The following KCNQ1 variants were observed in gnomAD, a reference collection of about 807,000 sequenced individuals.
The protein encoded by KCNQ1 is potassium voltage-gated channel subfamily KQT member 1.
A neutral mutation model predicts 72.4 loss-of-function variants in KCNQ1; 49 were observed. That is an observed-to-expected ratio of 0.68 (90% CI 0.54 to 0.86). KCNQ1 has a LOEUF of 0.86. KCNQ1 is among the 40% of genes least tolerant of loss of function. KCNQ1 has a pLI of 0.00. For synonymous variants in KCNQ1, 450 were observed against 412.6 expected, an observed-to-expected ratio of 1.09 and a Z score of -1.10; for missense variants, 790 against 945.1, an observed-to-expected ratio of 0.84 and a Z score of 2.15.
At chr11:2,591,044 C>T (rs924862458) in intron 10 of KCNQ1, among the ~76,000 whole-genome samples, 2 of 152,274 alleles carry the variant, frequency 1.3e-5, no homozygotes, top group Admixed American at 6.5e-5. Flanking sequence ...TCCATCTCTC[C>T]CTCTCGGACC....
Position 2,627,095 on chromosome 11 carries a change from C to G in KCNQ1, c.1394-34866C>G, listed in dbSNP as rs573940221. On this transcript the variant is annotated intron_variant, in intron 10 of 15. Coordinates refer to ENST00000155840, the MANE Select transcript of KCNQ1 (RefSeq NM_000218.3). The surrounding 1 kb of genome is among the most constrained non-coding windows in gnomAD (Gnocchi z 4.9). ...CCTTTATGTCTACTTTAATTTCTTT[C>G]AGCATTGTTTTGTAATTTTCATTGT... 2.5e-6 allele frequency: 1 copy of G among 398,504 alleles called. No homozygotes were observed. The highest frequency in any genetic ancestry group is 4.4e-6 in the Non-Finnish European group (1 of 226,032). 24.7% of individuals were successfully genotyped at this position (398,504 alleles called of 1,614,324 possible).
chr11:2,791,844 G>A (rs746610930), intron 15 of KCNQ1, among the ~76,000 whole-genome samples: 1 of 152,338 alleles, frequency 6.6e-6, no homozygotes, highest in South Asian at 2.1e-4. Flanking sequence ...GCCCGCAGGT[G>A]GGGGCTTCCG....
chr11:2,575,186 C>T (rs566971239), intron 6 of KCNQ1, among the ~76,000 whole-genome samples: 15 of 152,312 alleles, frequency 9.8e-5, no homozygotes, highest in East Asian at 5.8e-4. Context: ...CGCAGCAGAG[C>T]GGCACTCCCA....
At chr11:2,689,057 T>A in intron 11 of KCNQ1, 2 of 398,786 alleles carry the variant, frequency 5.0e-6, no homozygotes, top group Non-Finnish European at 8.8e-6. Context: ...GGCAGTTACC[T>A]CCTCCTCCCC....
At chr11:2,807,471 C>T (rs994234333) in intron 15 of KCNQ1, among the ~76,000 whole-genome samples, 1 of 152,190 alleles carries the variant, frequency 6.6e-6, no homozygotes, top group African/African-American at 2.4e-5. Context: ...GGCCCGGGGC[C>T]AGCGCGATGT....
Position 2,808,199 on chromosome 11 carries a change from G to A in KCNQ1, c.1794+30162G>A, listed in dbSNP as rs374418888. On this transcript the variant is annotated intron_variant, in intron 15 of 15. Transcript: ENST00000155840. The surrounding 1 kb of genome is among the most constrained non-coding windows in gnomAD (Gnocchi z 6.0). The stretch of plus-strand genomic sequence containing the variant: ...TCTGATGCCATCTGCCCAGGGCATT[G>A]AGGGTGAACCCATCCAGGCTGGCCC... Among the ~76,000 whole-genome samples the A allele has an allele frequency of 3.3e-5, 5 of 152,342 alleles. No individual in the cohort carries two copies. The highest frequency in any genetic ancestry group is 2.1e-4 in the South Asian group (1 of 4,824).
intron 10 of KCNQ1, chr11:2,640,157 G>T (rs999520496): frequency 1.9e-5 from 7 of 368,704 alleles, no homozygotes; most frequent in Non-Finnish European, 3.4e-5. Context: ...GTGCTTCCCA[G>T]GTGAGGCGAT....
intron 10 of KCNQ1, chr11:2,614,525 TG>T (rs1849029643): frequency 2.5e-6 from 1 of 398,396 alleles, no homozygotes; most frequent in African/African-American, 2.1e-5. Flanking sequence ...TCTTATTTTT[TG>T]GTCTCTGATA....
chr11:2,640,178 A>G (rs975012275), intron 10 of KCNQ1: 2 of 384,688 alleles, frequency 5.2e-6, no homozygotes, highest in Non-Finnish European at 9.2e-6. Context: ...GCCTCGCCCT[A>G]CTTCGTCTCA....
In KCNQ1 at chr11:2,724,769, G is replaced by T. The variant is rs1034072605; in HGVS notation, c.1515-44075G>T. ...CCAGGGCTCAGAGTTGGGGGAAGGG[G>T]CCAGTTCACCCACAGAGGGTGGAGT... On this transcript the variant is annotated intron_variant, in intron 11 of 15. Transcript: ENST00000155840. The surrounding 1 kb of genome is among the most constrained non-coding windows in gnomAD (Gnocchi z 6.8). Among the ~76,000 whole-genome samples the T allele has an allele frequency of 6.6e-6, 1 of 152,206 alleles. No homozygotes were observed. The highest frequency in any genetic ancestry group is 1.5e-5 in the Non-Finnish European group (1 of 68,030).
chr11:2,534,270 A>G (rs1463118259), intron 2 of KCNQ1, among the ~76,000 whole-genome samples: 1 of 152,244 alleles, frequency 6.6e-6, no homozygotes, highest in Non-Finnish European at 1.5e-5. Flanking sequence ...GCAGGCCCGC[A>G]GGTCCTCACC....
At chr11:2,582,478 G>A (rs1301478423) in intron 6 of KCNQ1, among the ~76,000 whole-genome samples, 1 of 152,228 alleles carries the variant, frequency 6.6e-6, no homozygotes, top group Admixed American at 6.5e-5. Context: ...TTCCCAGCTG[G>A]GGCATTCCTG....
At position 2,663,959 on chromosome 11, in the gene KCNQ1, G is replaced by A. The variant is rs1221675392; in HGVS notation, c.1514+1878G>A. 5 of 398,604 alleles carry A rather than the reference G, an allele frequency of 1.3e-5. No homozygotes were observed. The highest frequency in any genetic ancestry group is 2.1e-5 in the African/African-American group (1 of 48,630). 24.7% of individuals were successfully genotyped at this position (398,604 alleles called of 1,614,324 possible). On this transcript the variant is annotated intron_variant, in intron 11 of 15. Coordinates refer to ENST00000155840, the MANE Select transcript of KCNQ1 (RefSeq NM_000218.3). The surrounding 1 kb of genome is among the most constrained non-coding windows in gnomAD (Gnocchi z 5.2). The stretch of plus-strand genomic sequence containing the variant: ...CACTCCAGGATGACAGGGCCTGAGA[G>A]ACCTGAACATCCATCCCCAAGCTCT...
intron 10 of KCNQ1, chr11:2,649,651 G>A (rs1849727694): frequency 2.5e-6 from 1 of 398,432 alleles, no homozygotes; most frequent in African/African-American, 2.1e-5. Flanking sequence ...GGCCTAGAAG[G>A]TTTCTGCTGA....
intron 1 of KCNQ1, among the ~76,000 whole-genome samples, chr11:2,448,108 C>T (rs1179895140): frequency 6.6e-6 from 1 of 152,254 alleles, no homozygotes; most frequent in Admixed American, 6.5e-5. Context: ...GGGGTCCATA[C>T]AGCCCTGCTG....
intron 1 of KCNQ1, among the ~76,000 whole-genome samples, chr11:2,500,416 C>T (rs1187166357): frequency 1.3e-5 from 2 of 152,174 alleles, no homozygotes; most frequent in Non-Finnish European, 2.9e-5. Flanking sequence ...AACGCTTTTA[C>T]ACTGTTGGTG....
At position 2,570,712 on chromosome 11, in the gene KCNQ1, T is replaced by C; in HGVS notation, c.562T>C (p.Trp188Arg). The change falls in exon 3 of 16, where the codon TGG (tryptophan) becomes CGG (arginine). Residue 188 changes from tryptophan to arginine, a missense_variant. Physicochemically the swap from Trp to Arg is moderately radical, Grantham distance 101. This residue lies in a region of KCNQ1 where 294 missense variants were observed against 323.3 expected (regional missense o/e 0.91). Coordinates refer to ENST00000155840, the MANE Select transcript of KCNQ1 (RefSeq NM_000218.3). The stretch of plus-strand genomic sequence containing the variant: ...CTGCCGCAGCAAGTACGTGGGCCTC[T>C]GGGGGCGGCTGCGCTTTGCCCGGAA... ...AGCRSKYVGL[W>R]GRLRFARKPI... is the part of the protein sequence containing the mutation. The C allele has an allele frequency of 6.2e-7, 1 of 1,612,406 alleles. No individual in the cohort carries two copies. The highest frequency in any genetic ancestry group is 8.5e-7 in the Non-Finnish European group (1 of 1,180,010).
chr11:2,686,350 A>T (rs1377761073), intron 11 of KCNQ1: 1 of 398,552 alleles, frequency 2.5e-6, no homozygotes, highest in Non-Finnish European at 4.4e-6. Context: ...CTGGGGGAGG[A>T]GTATGCTCAC....
At position 2,781,588 on chromosome 11, in the gene KCNQ1, C is replaced by T. The variant is rs556863162; in HGVS notation, c.1794+3551C>T. 6.6e-6 allele frequency among the ~76,000 whole-genome samples: 1 copy of T among 152,332 alleles called. No homozygotes were observed. Among genetic ancestry groups the T allele is most frequent in the African/African-American group, 2.4e-5 (1 of 41,592 alleles). ...TGGCAGTCTGTGTGGGGGCTGCATA[C>T]CCCAGACATTCTGAGGAATCGATGG... On this transcript the variant is annotated intron_variant, in intron 15 of 15. Coordinates refer to ENST00000155840, the MANE Select transcript of KCNQ1 (RefSeq NM_000218.3). The surrounding 1 kb of genome is among the most constrained non-coding windows in gnomAD (Gnocchi z 6.6).
Sources: gnomAD v4.1 joint callset for allele counts (sites outside exome capture counted in the v4.1 genomes callset) on GRCh38, gnomAD v4.1.1 for gene constraint, gnomAD v4.1.1 regional missense constraint, Gnocchi (gnomAD v3.1) non-coding constraint, MANE v1.5 for transcripts, NCBI Gene and HGNC (gene_info 2026-07-23, HGNC 2026-07-21) for gene names.